The following TCF4 variants were observed in gnomAD, a reference collection of about 807,000 sequenced individuals.
The protein encoded by TCF4 is SL3-3 enhancer factor 2.
TCF4 carries 3 observed loss-of-function variants against 82.1 expected under a neutral mutation model. The ratio of observed to expected loss-of-function variants is 0.04; its 90% CI spans 0.02 to 0.09. The LOEUF is 0.09. TCF4 is among the 10% of genes least tolerant of loss of function. TCF4 has a pLI of 1.00. For synonymous variants in TCF4, 276 were observed against 309.6 expected (o/e 0.89, Z 1.14); for missense variants, 518 against 852.7 (o/e 0.61, Z 4.89).
intron 1 of TCF4, among the ~76,000 whole-genome samples, chr18:55,634,699 T>G (rs2097734621): frequency 6.6e-6 from 1 of 152,162 alleles, no homozygotes; most frequent in Non-Finnish European, 1.5e-5. Flanking sequence ...CAATGGTGTA[T>G]TTATGACCTT....
At chr18:55,492,218 G>T in intron 3 of TCF4, 1 of 152,086 alleles carries the variant, frequency 6.6e-6, no homozygotes, top group East Asian at 1.9e-4. Flanking sequence ...TAGAAACCAA[G>T]GTCCAAGTAA....
At chr18:55,244,813 A>G (rs903082640) in intron 15 of TCF4, among the ~76,000 whole-genome samples, 2 of 152,238 alleles carry the variant, frequency 1.3e-5, no homozygotes, top group Non-Finnish European at 2.9e-5. Context: ...CCATTCTCCA[A>G]TAACTTTCAC....
At chr18:55,610,074 C>G (rs146747453) in intron 2 of TCF4, among the ~76,000 whole-genome samples, 184 of 152,194 alleles carry the variant, frequency 1.2e-3, no homozygotes, top group African/African-American at 4.3e-3. Context: ...TAGACCTGTG[C>G]CTAGCCTGTA....
chr18:55,492,884 T>G (rs1299460178), intron 3 of TCF4, among the ~76,000 whole-genome samples: 1 of 152,114 alleles, frequency 6.6e-6, no homozygotes, highest in African/African-American at 2.4e-5. Flanking sequence ...TACTCACTGG[T>G]CACCACTGTG....
At chr18:55,393,668 C>T (rs977676153) in intron 6 of TCF4, among the ~76,000 whole-genome samples, 1 of 152,064 alleles carries the variant, frequency 6.6e-6, no homozygotes, top group Admixed American at 6.6e-5. Context: ...TTGCTTCATG[C>T]AATTTGCATA....
At chr18:55,304,454 A>G (rs2069495053) in intron 8 of TCF4, among the ~76,000 whole-genome samples, 2 of 152,232 alleles carry the variant, frequency 1.3e-5, no homozygotes, top group Non-Finnish European at 2.9e-5. Flanking sequence ...AAGGTATGCT[A>G]AACAGCACAC....
chr18:55,246,303 CTTTGA>C (rs983350211), intron 15 of TCF4, among the ~76,000 whole-genome samples: 2 of 150,546 alleles, frequency 1.3e-5, no homozygotes, highest in East Asian at 1.9e-4. Flanking sequence ...AGGTTTTTGT[CTTTGA>C]TTTATTTAAA....
Position 55,357,383 on chromosome 18 carries a change from C to A in TCF4, c.370-6380G>T, listed in dbSNP as rs372339922. Among the ~76,000 whole-genome samples the A allele has an allele frequency of 7.9e-5, 12 of 152,214 alleles. No individual in the cohort carries two copies. The East Asian group carries it at 1.2e-3, about 15-fold the overall frequency. On this transcript the variant is annotated intron_variant, in intron 6 of 19. Transcript: ENST00000354452. ...CTATCTTCTTTGTCAGTTTAAGCTC[C>A]TTCTCAGTTCAGGAAGTTCATTTAA...
intron 6 of TCF4, among the ~76,000 whole-genome samples, chr18:55,392,841 C>CT (rs537920165): frequency 8.6e-4 from 131 of 152,164 alleles, no homozygotes; most frequent in African/African-American, 3.0e-3. Flanking sequence ...TAGTGGGCAA[C>CT]TTGTCTTTTT....
chr18:55,290,238 T>A (rs1231840854), intron 8 of TCF4, among the ~76,000 whole-genome samples: 1 of 152,204 alleles, frequency 6.6e-6, no homozygotes, highest in African/African-American at 2.4e-5. Flanking sequence ...AAAGCTGACA[T>A]CCTTAAGAAA....
intron 5 of TCF4, among the ~76,000 whole-genome samples, chr18:55,445,451 G>C (rs976169128): frequency 6.6e-6 from 1 of 152,120 alleles, no homozygotes; most frequent in African/African-American, 2.4e-5. Context: ...GCAAAAGCAC[G>C]TCCTACATGG....
intron 5 of TCF4, among the ~76,000 whole-genome samples, chr18:55,433,565 C>G (rs2095257363): frequency 6.6e-6 from 1 of 152,210 alleles, no homozygotes; most frequent in East Asian, 1.9e-4. Context: ...AGACATTGAT[C>G]TGGACTGTTT....
At chr18:55,358,098 T>C (rs2084056970) in intron 6 of TCF4, among the ~76,000 whole-genome samples, 1 of 152,212 alleles carries the variant, frequency 6.6e-6, no homozygotes, top group South Asian at 2.1e-4. Context: ...GTATATGGCG[T>C]AAAGGTCAAA....
intron 6 of TCF4, chr18:55,402,376 T>C (rs2093872210): frequency 4.2e-6 from 1 of 240,656 alleles, no homozygotes; most frequent in Non-Finnish European, 6.7e-6. Flanking sequence ...TTGCTTACAT[T>C]TTTCAGGGGT....
chr18:55,271,388 G>A (rs529931569), intron 10 of TCF4, among the ~76,000 whole-genome samples: 5 of 152,120 alleles, frequency 3.3e-5, no homozygotes, highest in South Asian at 4.1e-4. Context: ...TATACTATAC[G>A]CTCAATGAAC....
At chr18:55,484,339 C>G (rs542152638) in intron 3 of TCF4, among the ~76,000 whole-genome samples, 5 of 152,254 alleles carry the variant, frequency 3.3e-5, no homozygotes, top group Non-Finnish European at 7.4e-5. Flanking sequence ...TTTTCATAGA[C>G]TTTTTTCCTC....
chr18:55,316,434 C>G (rs2074152823), intron 8 of TCF4, among the ~76,000 whole-genome samples: 1 of 151,988 alleles, frequency 6.6e-6, no homozygotes, highest in Non-Finnish European at 1.5e-5. Flanking sequence ...CATTGTTTTT[C>G]TTAGTGGCAG....
intron 8 of TCF4, chr18:55,302,506 T>G (rs1218642824): frequency 3.9e-6 from 6 of 1,536,008 alleles, no homozygotes; most frequent in Non-Finnish European, 5.2e-6. Context: ...GTTTGCTGAT[T>G]GGTCAGACAT....
intron 5 of TCF4, among the ~76,000 whole-genome samples, chr18:55,417,368 T>C (rs1280438196): frequency 1.3e-5 from 2 of 152,208 alleles, no homozygotes; most frequent in African/African-American, 4.8e-5. Context: ...GTAAGCCCTA[T>C]CTGCTCACTA....
Sources: allele counts gnomAD v4.1 joint callset (sites outside exome capture counted in the v4.1 genomes callset), GRCh38; gene constraint gnomAD v4.1.1; transcripts MANE v1.5; gene names NCBI Gene and HGNC (gene_info 2026-07-23, HGNC 2026-07-21).